The following FAM184B variants were observed in gnomAD, a reference collection of about 807,000 sequenced individuals.
FAM184B encodes the protein protein FAM184B.
Under a neutral mutation model 135.9 loss-of-function variants are expected in FAM184B, and 111 were observed. The observed-to-expected ratio is 0.82, with a 90% confidence interval of 0.70 to 0.96. The LOEUF (loss-of-function observed/expected upper bound fraction) is 0.96, where lower values mean the gene tolerates loss of function less well. Ranked by LOEUF, FAM184B falls within the 40% of genes least tolerant of loss-of-function variation. The pLI, the probability that FAM184B is intolerant of heterozygous loss-of-function variation, is 0.00. For synonymous variants in FAM184B, 552 were observed against 524.8 expected, an observed-to-expected ratio of 1.05 and a Z score of -0.71; for missense variants, 1,375 against 1,323.9, an observed-to-expected ratio of 1.04 and a Z score of -0.60.
Position 17,707,667 on chromosome 4 carries a change from G to A in FAM184B, c.1012C>T (p.Arg338Cys), listed in dbSNP as rs975346362. Residue 338 changes from arginine (R) to cysteine (C), a missense_variant, in exon 3 of 18, where the codon CGT becomes TGT. Arg to Cys is a radical substitution (Grantham distance 180, BLOSUM62 -3). Coordinates refer to ENST00000265018, the MANE Select transcript of FAM184B (RefSeq NM_015688.2). ...AKDRMMLQEC[R>C]GTQQTDAMKT... ...ATCTCACCTGTCTGCTGTGTCCCACGACACTCCTGCAGCATCATTCTGTCT... is the reference window on the plus strand; with the variant it reads ...ATCTCACCTGTCTGCTGTGTCCCACAACACTCCTGCAGCATCATTCTGTCT... The A allele has an allele frequency of 6.1e-5, 95 of 1,551,630 alleles. No homozygotes were observed. The highest frequency in any genetic ancestry group is 1.7e-4 in the Middle Eastern group (1 of 6,008).
intron 1 of FAM184B, among the ~76,000 whole-genome samples, chr4:17,735,835 A>C (rs1717895869): frequency 1.3e-5 from 2 of 152,168 alleles, no homozygotes; most frequent in African/African-American, 4.8e-5. Flanking sequence ...TAGGACATAC[A>C]CCTACACACA....
chr4:17,684,977 G>A (rs2108954690), intron 7 of FAM184B, among the ~76,000 whole-genome samples: 1 of 152,116 alleles, frequency 6.6e-6, no homozygotes, highest in East Asian at 1.9e-4. Flanking sequence ...TCACTTATAA[G>A]TGGGAGCTGA....
chr4:17,687,449 G>A (rs1461204251), intron 7 of FAM184B, among the ~76,000 whole-genome samples: 2 of 152,154 alleles, frequency 1.3e-5, no homozygotes, highest in Non-Finnish European at 2.9e-5. Flanking sequence ...TACAACAAAT[G>A]TTCACTGAGT....
chr4:17,642,254 T>C (rs1013364197), intron 12 of FAM184B, 26 bp from the exon 13 acceptor site: 97 of 1,452,126 alleles, frequency 6.7e-5, no homozygotes, highest in Non-Finnish European at 8.4e-5. Flanking sequence ...AGGAGAGGTG[T>C]TTTCAGGAGG....
At chr4:17,757,698 A>G (rs2108991128) in intron 1 of FAM184B, among the ~76,000 whole-genome samples, 1 of 151,130 alleles carries the variant, frequency 6.6e-6, no homozygotes, top group East Asian at 1.9e-4. Context: ...GGTACATTAT[A>G]CCGTATACTT....
At chr4:17,643,228 C>G (rs1472662799) in intron 12 of FAM184B, among the ~76,000 whole-genome samples, 1 of 152,196 alleles carries the variant, frequency 6.6e-6, no homozygotes, top group African/African-American at 2.4e-5. Context: ...CCCAGTAGGA[C>G]AGACTCCACT....
Position 17,658,276 on chromosome 4 carries a change from G to A in FAM184B, c.2037+74C>T, listed in dbSNP as rs114729424. On this transcript the variant is annotated intron_variant, in intron 10 of 17. Transcript: ENST00000265018. ...GGGGATTGGATGTCATGTAGAAAAGGGACGGCTTTGTGCATGGCAGTTCTC... is the reference window on the plus strand; with the variant it reads ...GGGGATTGGATGTCATGTAGAAAAGAGACGGCTTTGTGCATGGCAGTTCTC... 1.8e-3 allele frequency: 2,342 copies of A among 1,298,932 alleles called. 31 individuals carry two copies. In the African/African-American group the frequency reaches 0.032, roughly 18 times the overall value. The allele number at this position is 1,298,932 out of a possible 1,614,324, so 80.5% of individuals were successfully genotyped here. A position where few individuals can be genotyped will look rare whatever the true frequency, so the allele number is the denominator to read the frequency against.
At chr4:17,774,778 C>A (rs534963990) in intron 1 of FAM184B, among the ~76,000 whole-genome samples, 1 of 152,176 alleles carries the variant, frequency 6.6e-6, no homozygotes, top group Non-Finnish European at 1.5e-5. Flanking sequence ...TAGGGAATAA[C>A]CGACAGAAAA....
At chr4:17,683,927 T>C (rs1228178696) in intron 7 of FAM184B, among the ~76,000 whole-genome samples, 25 of 151,480 alleles carry the variant, frequency 1.7e-4, no homozygotes, top group Non-Finnish European at 8.8e-5. Flanking sequence ...AATTCAAAAA[T>C]TAGCTGGGCA....
At chr4:17,776,037 T>C (rs1718918900) in intron 1 of FAM184B, among the ~76,000 whole-genome samples, 2 of 152,186 alleles carry the variant, frequency 1.3e-5, no homozygotes, top group Non-Finnish European at 2.9e-5. Context: ...TTGGATACAT[T>C]GATATAGTAA....
intron 3 of FAM184B, among the ~76,000 whole-genome samples, 154 bp from the exon 4 acceptor site, chr4:17,706,045 T>C (rs2215268): frequency 0.72 from 109,310 of 152,158 alleles, 40,181 homozygotes; most frequent in Non-Finnish European, 0.81. Context: ...CCCCGAAGCA[T>C]GGTCAAGGTA....
chr4:17,735,869 A>G (rs1717896667), intron 1 of FAM184B, among the ~76,000 whole-genome samples: 2 of 152,234 alleles, frequency 1.3e-5, no homozygotes, highest in African/African-American at 4.8e-5. Context: ...CCTGTGGCCA[A>G]CAGATGTACA....
intron 1 of FAM184B, among the ~76,000 whole-genome samples, chr4:17,768,432 G>A (rs538659329): frequency 4.6e-5 from 7 of 152,200 alleles, no homozygotes; most frequent in South Asian, 2.1e-4. Context: ...ACCCCGCCAC[G>A]CCCAGCTAAT....
At chr4:17,732,523 GA>G (rs1195450527) in intron 1 of FAM184B, among the ~76,000 whole-genome samples, 1 of 152,164 alleles carries the variant, frequency 6.6e-6, no homozygotes, top group African/African-American at 2.4e-5. Flanking sequence ...CGATCCCACA[GA>G]AATACAAACT....
chr4:17,663,585 G>C (rs900926786), intron 8 of FAM184B, among the ~76,000 whole-genome samples: 2 of 147,234 alleles, frequency 1.4e-5, no homozygotes, highest in African/African-American at 5.0e-5. Flanking sequence ...TTCAAGCTGA[G>C]AGCCAAATCA....
intron 1 of FAM184B, among the ~76,000 whole-genome samples, chr4:17,752,400 T>A (rs769056041): frequency 2.0e-5 from 3 of 151,826 alleles, no homozygotes; most frequent in African/African-American, 7.3e-5. Flanking sequence ...ATGAAAAGAA[T>A]GAATGGTTGG....
At chr4:17,750,697 A>T (rs1718271320) in intron 1 of FAM184B, among the ~76,000 whole-genome samples, 9 of 152,214 alleles carry the variant, frequency 5.9e-5, no homozygotes, top group Admixed American at 5.9e-4. Flanking sequence ...AATGAAAACC[A>T]TATAGCTCTA....
intron 1 of FAM184B, among the ~76,000 whole-genome samples, chr4:17,721,756 T>C (rs1436118614): frequency 6.6e-6 from 1 of 152,184 alleles, no homozygotes. Context: ...TCCCAGGCCC[T>C]GCCCCAGACA....
intron 11 of FAM184B, among the ~76,000 whole-genome samples, 172 bp from the exon 12 acceptor site, chr4:17,647,963 G>C (rs1419272301): frequency 2.0e-5 from 3 of 152,168 alleles, no homozygotes; most frequent in African/African-American, 7.2e-5. Flanking sequence ...AGGGCCATGT[G>C]TGAAAACTGT....
Sources: gnomAD v4.1 joint callset for allele counts (sites outside exome capture counted in the v4.1 genomes callset) on GRCh38, gnomAD v4.1.1 for gene constraint, MANE v1.5 for transcripts, NCBI Gene and HGNC (gene_info 2026-07-23, HGNC 2026-07-21) for gene names.